Variants in PITPNC1 observed in about 807,000 individuals in gnomAD.
PITPNC1 encodes the protein cytoplasmic phosphatidylinositol transfer protein 1.
A neutral mutation model predicts 44.7 loss-of-function variants in PITPNC1; 18 were observed. The observed-to-expected ratio is 0.40, with a 90% confidence interval of 0.28 to 0.60. The LOEUF (loss-of-function observed/expected upper bound fraction) is 0.60. Ranked by LOEUF, PITPNC1 falls within the 20% of genes least tolerant of loss-of-function variation. The pLI is 0.39. For synonymous variants in PITPNC1, 141 were observed against 149.6 expected, an observed-to-expected ratio of 0.94 and a Z score of 0.42; for missense variants, 290 against 418.4, an observed-to-expected ratio of 0.69 and a Z score of 2.68.
intron 4 of PITPNC1, among the ~76,000 whole-genome samples, chr17:67,561,095 A>G (rs2040900816): frequency 6.6e-6 from 1 of 152,200 alleles, no homozygotes; most frequent in African/African-American, 2.4e-5. Context: ...TTGTGAGCAG[A>G]TTTCTTTCTG....
intron 5 of PITPNC1, among the ~76,000 whole-genome samples, chr17:67,588,509 C>G (rs1310517067): frequency 1.3e-5 from 2 of 152,110 alleles, no homozygotes; most frequent in Non-Finnish European, 2.9e-5. Flanking sequence ...ACCCAGGGCA[C>G]GAAGCCTCCC....
rs147568871 is a variant in PITPNC1 at position 67,559,179 on chromosome 17, C to G, written c.294+5562C>G. Among the ~76,000 whole-genome samples the G allele has an allele frequency of 7.3e-3, 1,112 of 152,296 alleles. 18 individuals are homozygous for G. The highest frequency in any genetic ancestry group is 0.025 in the African/African-American group (1,045 of 41,554). On this transcript the variant is annotated intron_variant, in intron 4 of 8. Transcript: ENST00000581322. ...CTTTCTTAAGCCTTTCTTCCCCGCA[C>G]CTTCCCCTGAGTCCCAGCCAAGGGG...
At chr17:67,406,986 TTTTA>T (rs1236045279) in intron 1 of PITPNC1, among the ~76,000 whole-genome samples, 3 of 152,260 alleles carry the variant, frequency 2.0e-5, no homozygotes, top group Admixed American at 1.3e-4. Context: ...ACATACAAGC[TTTTA>T]TTTAACCACT....
rs1208581595 is a variant in PITPNC1, at chr17:67,532,928, G to A, written c.175G>A (p.Glu59Lys). 7 of 1,610,552 alleles carry A rather than the reference G, an allele frequency of 4.3e-6. No homozygotes were observed. Among genetic ancestry groups the A allele is most frequent in the East Asian group, 2.2e-5 (1 of 44,830 alleles). The part of the protein sequence containing the change: ...DPHHGNGQFT[E>K]KRVYLNSKLP... ...TCACCATGGCAATGGGCAGTTCACC[G>A]AGAAGCGGGTGTATCTCAACAGGTG... The change falls in exon 2 of 9, where the codon GAG becomes AAG. Residue 59 changes from glutamate (E) to lysine (K), a missense_variant. Transcript: ENST00000581322.
At chr17:67,514,345 A>G (rs2916137) in intron 1 of PITPNC1, among the ~76,000 whole-genome samples, 18,581 of 151,690 alleles carry the variant, frequency 0.12, 1,592 homozygotes, top group African/African-American at 0.25. Flanking sequence ...GATTACCGGC[A>G]CCCACCAGCA....
chr17:67,653,350 A>T (rs1306684650), intron 6 of PITPNC1, among the ~76,000 whole-genome samples: 1 of 152,162 alleles, frequency 6.6e-6, no homozygotes, highest in Non-Finnish European at 1.5e-5. Context: ...ATGCAGTGAG[A>T]ATGTGATGAC....
At chr17:67,548,221 G>A (rs1030985416) in intron 2 of PITPNC1, among the ~76,000 whole-genome samples, 10 of 152,204 alleles carry the variant, frequency 6.6e-5, no homozygotes, top group African/African-American at 2.4e-4. Context: ...TAAAACCAGG[G>A]AAGTCCCAGG....
intron 1 of PITPNC1, among the ~76,000 whole-genome samples, chr17:67,436,086 G>A (rs2038933712): frequency 6.6e-6 from 1 of 151,920 alleles, no homozygotes; most frequent in African/African-American, 2.4e-5. Flanking sequence ...TCCAATTCCT[G>A]GGCTCAAGGG....
intron 5 of PITPNC1, among the ~76,000 whole-genome samples, chr17:67,606,404 AGAGATGG>A (rs1375330577): frequency 6.6e-6 from 1 of 152,212 alleles, no homozygotes; most frequent in African/African-American, 2.4e-5. Flanking sequence ...CTGCCTTCAA[AGAGATGG>A]GACAATGTTC....
chr17:67,643,725 G>C (rs1355361857), intron 6 of PITPNC1, among the ~76,000 whole-genome samples: 3 of 152,198 alleles, frequency 2.0e-5, no homozygotes, highest in Non-Finnish European at 4.4e-5. Context: ...ATGGACAGAT[G>C]GGATGGAGAA....
chr17:67,659,273 A>G (rs1323785242), intron 6 of PITPNC1, among the ~76,000 whole-genome samples: 2 of 152,088 alleles, frequency 1.3e-5, no homozygotes, highest in South Asian at 2.1e-4. Flanking sequence ...ACAATTCTGC[A>G]CTCTTGACTG....
chr17:67,415,012 T>A (rs2143852584), intron 1 of PITPNC1, among the ~76,000 whole-genome samples: 1 of 152,298 alleles, frequency 6.6e-6, no homozygotes, highest in South Asian at 2.1e-4. Flanking sequence ...CCTGAGTAGC[T>A]GGAACTACAG....
intron 4 of PITPNC1, 94 bp downstream of exon 4, chr17:67,553,711 T>C: frequency 2.1e-6 from 1 of 487,538 alleles, no homozygotes; most frequent in Non-Finnish European, 3.7e-6. Context: ...AATGTAATAA[T>C]TAAAAAGGGG....
chr17:67,396,816 G>A (rs904701846), intron 1 of PITPNC1, among the ~76,000 whole-genome samples: 2 of 151,360 alleles, frequency 1.3e-5, no homozygotes, highest in African/African-American at 4.9e-5. Flanking sequence ...CACTACACTG[G>A]GCTAATTAAA....
intron 1 of PITPNC1, among the ~76,000 whole-genome samples, chr17:67,467,194 C>T (rs560967423): frequency 6.6e-6 from 1 of 151,480 alleles, no homozygotes; most frequent in East Asian, 1.9e-4. Flanking sequence ...TACAGGTGTG[C>T]ACCACCATTC....
intron 1 of PITPNC1, among the ~76,000 whole-genome samples, chr17:67,495,353 C>T (rs1211028412): frequency 2.6e-5 from 4 of 152,066 alleles, no homozygotes; most frequent in African/African-American, 7.2e-5. Context: ...CCACCGCGCC[C>T]GGCCTCTGAG....
chr17:67,658,909 C>T (rs11653663), intron 6 of PITPNC1, among the ~76,000 whole-genome samples: 2 of 152,056 alleles, frequency 1.3e-5, no homozygotes, highest in African/African-American at 2.4e-5. Flanking sequence ...TAGTTGTTTA[C>T]GTGCAACTAT....
At chr17:67,396,075 TAC>T (rs2038216080) in intron 1 of PITPNC1, among the ~76,000 whole-genome samples, 2 of 152,222 alleles carry the variant, frequency 1.3e-5, no homozygotes, top group African/African-American at 4.8e-5. Context: ...TGACTTATAG[TAC>T]TGCAGATATG....
chr17:67,518,766 G>T (rs925317625), intron 1 of PITPNC1, among the ~76,000 whole-genome samples: 6 of 152,174 alleles, frequency 3.9e-5, no homozygotes, highest in Non-Finnish European at 5.9e-5. Context: ...GGGCAACATT[G>T]CAAGACCCAT....
Sources: gnomAD v4.1 joint callset for allele counts (sites outside exome capture counted in the v4.1 genomes callset) on GRCh38, gnomAD v4.1.1 for gene constraint, MANE v1.5 for transcripts, NCBI Gene and HGNC (gene_info 2026-07-23, HGNC 2026-07-21) for gene names.